Variants in PLCH1 observed in about 807,000 individuals in gnomAD.
PLCH1 encodes the protein 1-phosphatidylinositol 4,5-bisphosphate phosphodiesterase eta-1.
Under a neutral mutation model 126.7 loss-of-function variants are expected in PLCH1, and 60 were observed. The ratio of observed to expected loss-of-function variants is 0.47; its 90% CI spans 0.38 to 0.59. PLCH1 has a LOEUF of 0.59. PLCH1 is among the 20% of genes least tolerant of loss of function. The pLI is 0.00. For synonymous variants in PLCH1, 719 were observed against 734.9 expected (o/e 0.98, Z 0.35); for missense variants, 1,723 against 2,040.0 (o/e 0.84, Z 2.99).
intron 9 of PLCH1, among the ~76,000 whole-genome samples, chr3:155,551,660 A>G (rs1173301563): frequency 1.5e-5 from 2 of 133,104 alleles, no homozygotes; most frequent in African/African-American, 5.9e-5. Flanking sequence ...TTTCCACCCT[A>G]CGCTGCACAG....
chr3:155,491,689 G>A (rs1716226892), intron 18 of PLCH1, among the ~76,000 whole-genome samples: 2 of 152,120 alleles, frequency 1.3e-5, no homozygotes, highest in African/African-American at 4.8e-5. Context: ...ATAAAGTTTA[G>A]GAATAGACAA....
intron 2 of PLCH1, among the ~76,000 whole-genome samples, chr3:155,650,215 TAGG>T (rs1740557023): frequency 6.6e-6 from 1 of 152,198 alleles, no homozygotes; most frequent in Non-Finnish European, 1.5e-5. Context: ...TGAGATGTGA[TAGG>T]TATAATCCTT....
chr3:155,677,683 A>G (rs966080097), intron 2 of PLCH1, among the ~76,000 whole-genome samples: 8 of 152,200 alleles, frequency 5.3e-5, no homozygotes, highest in Non-Finnish European at 1.2e-4. Context: ...TTTAATACAC[A>G]TAAAGTGCTT....
intron 2 of PLCH1, among the ~76,000 whole-genome samples, chr3:155,605,624 G>C (rs890940048): frequency 6.6e-6 from 1 of 152,170 alleles, no homozygotes; most frequent in Non-Finnish European, 1.5e-5. Flanking sequence ...CCTGCTCTAG[G>C]CTCCTTCTGG....
At chr3:155,551,022 T>C (rs888355342) in intron 9 of PLCH1, among the ~76,000 whole-genome samples, 2 of 152,166 alleles carry the variant, frequency 1.3e-5, no homozygotes, top group African/African-American at 4.8e-5. Context: ...TTTCTTCACA[T>C]AGGTTTTACC....
intron 2 of PLCH1, among the ~76,000 whole-genome samples, chr3:155,687,142 C>T (rs1344755218): frequency 4.6e-5 from 7 of 152,016 alleles, no homozygotes; most frequent in Non-Finnish European, 7.4e-5. Context: ...CTAGAAAAGA[C>T]ATTATGGAAG....
rs181315607 is a variant in PLCH1 at position 155,500,016 on chromosome 3, A to T, written c.1796+687T>A. Among the ~76,000 whole-genome samples the T allele has an allele frequency of 4.5e-3, 685 of 152,264 alleles. 1 individual carries two copies. Among genetic ancestry groups the T allele is most frequent in the Admixed American group, 8.6e-3 (132 of 15,286 alleles). Reference sequence around the variant, plus strand: ...TTTTTCAATAAAGGCAAAAGTGTGTATATGTATCCATATCTATCTAATATA... The same window carrying T: ...TTTTTCAATAAAGGCAAAAGTGTGTTTATGTATCCATATCTATCTAATATA... On this transcript the variant is annotated intron_variant, in intron 14 of 22. Transcript: ENST00000460012.
chr3:155,582,794 C>T (rs540145672), intron 6 of PLCH1, among the ~76,000 whole-genome samples: 208 of 152,200 alleles, frequency 1.4e-3, no homozygotes, highest in African/African-American at 4.9e-3. Context: ...TATTCCTCTA[C>T]TTTAGTGAGA....
At chr3:155,544,731 A>T (rs1184248171) in intron 10 of PLCH1, among the ~76,000 whole-genome samples, 5 of 151,806 alleles carry the variant, frequency 3.3e-5, no homozygotes, top group Admixed American at 1.3e-4. Context: ...GGATTAAGAA[A>T]CTCACTCAAA....
chr3:155,529,634 A>G (rs1233452503), intron 10 of PLCH1, among the ~76,000 whole-genome samples: 5 of 152,260 alleles, frequency 3.3e-5, no homozygotes, highest in Non-Finnish European at 7.3e-5. Context: ...AAAGCTAATG[A>G]TCATCTGAAC....
chr3:155,676,436 A>G (rs1744094930), intron 2 of PLCH1: 1 of 987,542 alleles, frequency 1.0e-6, no homozygotes, highest in Non-Finnish European at 1.2e-6. Context: ...ATGTCTGGGA[A>G]GTGTAGGTCT....
chr3:155,665,304 T>A lies in PLCH1; in HGVS notation c.79+38842A>T, dbSNP rs555276336. 7.2e-5 allele frequency among the ~76,000 whole-genome samples: 11 copies of A among 152,318 alleles called. No homozygotes were observed. In the East Asian group the frequency reaches 1.9e-3, roughly 27 times the overall value. ...AGCCACTGAGATAGCTTTATCTGCA[T>A]ATTACTTTAGCTAATAGAGCCTGTG... On this transcript the variant is annotated intron_variant, in intron 2 of 22. Coordinates refer to ENST00000460012, the MANE Select transcript of PLCH1 (RefSeq NM_014996.4).
chr3:155,496,403 C>T (rs183394793), intron 15 of PLCH1, among the ~76,000 whole-genome samples: 1 of 152,104 alleles, frequency 6.6e-6, no homozygotes, highest in East Asian at 1.9e-4. Flanking sequence ...CTCATGCTCT[C>T]ACATGTGAAA....
At chr3:155,469,798 AC>A (rs1399896135) in intron 21 of PLCH1, among the ~76,000 whole-genome samples, 14 of 151,696 alleles carry the variant, frequency 9.2e-5, no homozygotes, top group Non-Finnish European at 1.8e-4. Flanking sequence ...ACTGGGAGGC[AC>A]CCCCCAGCAG....
Position 155,510,249 on chromosome 3 carries a change from C to G in PLCH1, c.1632+4474G>C, listed in dbSNP as rs1437856206. On this transcript the variant is annotated intron_variant, in intron 12 of 22. Coordinates refer to ENST00000460012, the MANE Select transcript of PLCH1 (RefSeq NM_014996.4). Reference sequence around the variant, plus strand: ...CCTTTTATTTTGAGCCTATGTGTGTCTCTGCACGTGAGATGGGTTTCCTGA... The same window carrying G: ...CCTTTTATTTTGAGCCTATGTGTGTGTCTGCACGTGAGATGGGTTTCCTGA... 6.9e-4 allele frequency among the ~76,000 whole-genome samples: 74 copies of G among 106,916 alleles called. 3 individuals are homozygous for G. Among genetic ancestry groups the G allele is most frequent in the African/African-American group, 2.0e-3 (43 of 21,632 alleles). The allele number at this position is 106,916 out of a possible 152,430, so 70.1% of individuals were successfully genotyped here.
At chr3:155,599,454 G>C (rs1733431831) in intron 2 of PLCH1, among the ~76,000 whole-genome samples, 1 of 152,148 alleles carries the variant, frequency 6.6e-6, no homozygotes, top group Non-Finnish European at 1.5e-5. Flanking sequence ...AAAGGGAATT[G>C]ACAGAATGTA....
chr3:155,619,594 G>A (rs776807084), intron 2 of PLCH1, among the ~76,000 whole-genome samples: 15 of 151,638 alleles, frequency 9.9e-5, no homozygotes, highest in Non-Finnish European at 1.9e-4. Context: ...TTGCTTTAAG[G>A]CTTTCTAAGG....
intron 2 of PLCH1, among the ~76,000 whole-genome samples, chr3:155,671,727 G>A (rs1205771735): frequency 6.6e-6 from 1 of 152,000 alleles, no homozygotes; most frequent in African/African-American, 2.4e-5. Context: ...AACCAAAGAG[G>A]ACATGGGGCA....
chr3:155,524,129 G>T, intron 10 of PLCH1, 125 bp from the exon 11 acceptor site: 1 of 695,822 alleles, frequency 1.4e-6, no homozygotes, highest in Non-Finnish European at 2.5e-6. Flanking sequence ...ACATACAATG[G>T]AATCTTAGCC....
Sources: allele counts gnomAD v4.1 joint callset (sites outside exome capture counted in the v4.1 genomes callset), GRCh38; gene constraint gnomAD v4.1.1; transcripts MANE v1.5; gene names NCBI Gene and HGNC (gene_info 2026-07-23, HGNC 2026-07-21).